The following SLC22A6 variants were observed in gnomAD, a reference collection of about 807,000 sequenced individuals.
SLC22A6 encodes the protein PAH transporter.
Under a neutral mutation model 56.7 loss-of-function variants are expected in SLC22A6, and 45 were observed. The observed-to-expected ratio is 0.79, with a 90% CI of 0.63 to 1.02. SLC22A6 has a LOEUF of 1.02. Among genes scored for constraint, SLC22A6 ranks in the 50% least tolerant of loss-of-function variants. The probability of loss-of-function intolerance (pLI) is 0.00; values close to 1 mark genes in which losing one functional copy is unlikely to be tolerated. For synonymous variants in SLC22A6, 291 were observed against 295.9 expected (o/e 0.98, Z 0.17); for missense variants, 606 against 713.8 (o/e 0.85, Z 1.72).
chr11:62,979,598 T>C lies in SLC22A6; in HGVS notation c.1253-2A>G, dbSNP rs750139896. The C allele has an allele frequency of 6.2e-7, 1 of 1,612,896 alleles. No individual in the cohort carries two copies. Among genetic ancestry groups the C allele is most frequent in the Admixed American group, 1.7e-5 (1 of 60,020 alleles). On this transcript the variant is annotated splice_acceptor_variant, in intron 7 of 9. Transcript: ENST00000360421. LOFTEE classifies it high-confidence loss of function. ...GAGAGGTTCGGACAATGGACTGGTC[T>C]AGAGAGAAAGAAGGGGGGATAGCAG...
chr11:62,979,751 T>C lies in SLC22A6; in HGVS notation c.1235A>G (p.Asn412Ser). 1.9e-6 allele frequency: 3 copies of C among 1,614,108 alleles called. No individual in the cohort carries two copies. The highest frequency in any genetic ancestry group is 2.5e-6 in the Non-Finnish European group (3 of 1,179,992). Reference protein sequence around the residue: ...LLLAGICILLNGVIPQDQSIV... With the variant: ...LLLAGICILLSGVIPQDQSIV... ...GTGCTCACCCTGGGGTATCACCCCATTGAGCAGGATGCAGATGCCTGCCAG... is the reference window on the plus strand; with the variant it reads ...GTGCTCACCCTGGGGTATCACCCCACTGAGCAGGATGCAGATGCCTGCCAG... Residue 412 changes from asparagine (N) to serine (S), a missense_variant, in exon 7 of 10, where the codon AAT becomes AGT. Physicochemically the swap from Asn to Ser is conservative, Grantham distance 46 (BLOSUM62 1). Transcript: ENST00000360421.
At chr11:62,978,116 T>C (rs1274285438) in intron 8 of SLC22A6, among the ~76,000 whole-genome samples, 2 of 152,162 alleles carry the variant, frequency 1.3e-5, no homozygotes, top group Non-Finnish European at 2.9e-5. Flanking sequence ...AATTAATATT[T>C]GTGAAAAGTT....
In SLC22A6 at chr11:62,981,957, A is replaced by G. The variant is rs1480422915; in HGVS notation, c.682T>C (p.Tyr228His). 1 of 1,614,090 alleles carries G rather than the reference A, an allele frequency of 6.2e-7. No individual in the cohort carries two copies. The highest frequency in any genetic ancestry group is 8.5e-7 in the Non-Finnish European group (1 of 1,180,028). ...TRACVGTLIG[Y>H]VYSLGQFLLA... ...AGGAACTGGCCCAGGCTGTAGACAT[A>G]GCCAATCAAGGTGCCCACGCAGGCC... is the stretch of plus-strand genomic sequence containing the variant. Residue 228 changes from tyrosine to histidine, a missense_variant, in exon 4 of 10, where the codon TAT (tyrosine) becomes CAT (histidine). Tyr to His is a moderately conservative substitution (Grantham distance 83). Transcript: ENST00000360421.
chr11:62,978,072 G>A (rs1376577154), intron 8 of SLC22A6, among the ~76,000 whole-genome samples: 1 of 152,158 alleles, frequency 6.6e-6, no homozygotes, highest in African/African-American at 2.4e-5. Context: ...TAATGATAGT[G>A]CCTACCACAA....
intron 8 of SLC22A6, among the ~76,000 whole-genome samples, chr11:62,977,830 G>A (rs2086207613): frequency 6.6e-6 from 1 of 152,334 alleles, no homozygotes; most frequent in Non-Finnish European, 1.5e-5. Flanking sequence ...TGGAGGAATT[G>A]TGTTATAGTT....
intron 9 of SLC22A6, 36 bp downstream of exon 9, chr11:62,977,148 G>T (rs1442508989): frequency 6.2e-7 from 1 of 1,614,120 alleles, no homozygotes; most frequent in Non-Finnish European, 8.5e-7. Flanking sequence ...GTGTTACCTG[G>T]GATATATCCC....
intron 6 of SLC22A6, 64 bp from the exon 7 acceptor site, chr11:62,980,012 A>G: frequency 8.5e-7 from 1 of 1,173,598 alleles, no homozygotes; most frequent in Non-Finnish European, 1.3e-6. Flanking sequence ...TGCTCTTTCA[A>G]AACAGTGGGG....
Position 62,983,056 on chromosome 11 carries a change from T to C in SLC22A6, c.628+481A>G, listed in dbSNP as rs2086272661. Among the ~76,000 whole-genome samples the C allele has an allele frequency of 6.6e-6, 1 of 152,144 alleles. No individual in the cohort carries two copies. Among genetic ancestry groups the C allele is most frequent in the East Asian group, 1.9e-4 (1 of 5,170 alleles). On this transcript the variant is annotated intron_variant, in intron 3 of 9. Coordinates refer to ENST00000360421, the MANE Select transcript of SLC22A6 (RefSeq NM_153276.3). This position sits in a 1 kb window ranked among gnomAD's most constrained non-coding sequence, Gnocchi z 4.5. Reference sequence around the variant, plus strand: ...GGAGTTTGCAATCCTGCTTTTTTTTTTTTTTTGAGACAGAGTCTCGCTCTA... The same window carrying C: ...GGAGTTTGCAATCCTGCTTTTTTTTCTTTTTTGAGACAGAGTCTCGCTCTA...
intron 3 of SLC22A6, among the ~76,000 whole-genome samples, chr11:62,982,379 G>C (rs1472691942): frequency 6.6e-6 from 1 of 152,218 alleles, no homozygotes; most frequent in Non-Finnish European, 1.5e-5. Flanking sequence ...TCAGTGGCCA[G>C]AGCATCTTGG....
chr11:62,979,075 T>A (rs145308341), intron 8 of SLC22A6, among the ~76,000 whole-genome samples: 41 of 152,356 alleles, frequency 2.7e-4, no homozygotes, highest in African/African-American at 9.4e-4. Flanking sequence ...CAGGAGTGAA[T>A]CTTGAGATAG....
rs141733197 is a variant in SLC22A6 at position 62,981,323 on chromosome 11, C to A, written c.858G>T (p.Arg286Ser). The change falls in exon 5 of 10, where the codon AGG becomes AGT. Residue 286 changes from arginine to serine, a missense_variant. Transcript: ENST00000360421. ...SSSGRLDLTL[R>S]ALQRVARING... ...TGATCCGGGCGACTCTCTGCAGGGCCCTCAGGGTGAGGTCCAGCCTCCCGG... is the reference window on the plus strand; with the variant it reads ...TGATCCGGGCGACTCTCTGCAGGGCACTCAGGGTGAGGTCCAGCCTCCCGG... 5.1e-5 allele frequency: 81 copies of A among 1,603,474 alleles called. No individual in the cohort carries two copies. The highest frequency in any genetic ancestry group is 6.6e-5 in the Non-Finnish European group (78 of 1,175,288).
At chr11:62,981,431 C>G in intron 4 of SLC22A6, 48 bp from the exon 5 acceptor site, 3 of 940,490 alleles carry the variant, frequency 3.2e-6, no homozygotes, top group Non-Finnish European at 1.4e-6. Context: ...CAGTTCCAGT[C>G]AGCTGGGTGG....
chr11:62,981,649 G>T (rs72480411), intron 4 of SLC22A6, among the ~76,000 whole-genome samples, 193 bp downstream of exon 4: 136 of 152,226 alleles, frequency 8.9e-4, no homozygotes, highest in Middle Eastern at 3.4e-3. Flanking sequence ...GGAAGCCAGA[G>T]AATTGGATAT....
Position 62,983,965 on chromosome 11 carries a change from A to G in SLC22A6, c.452T>C (p.Val151Ala). 1 of 1,613,522 alleles carries G rather than the reference A, an allele frequency of 6.2e-7. No individual in the cohort carries two copies. Among genetic ancestry groups the G allele is most frequent in the African/African-American group, 1.3e-5 (1 of 74,952 alleles). ...TGACCTGTCTGCAAGGTAGCCGAAC[A>G]CCATGGCTCCGAGCAGCACCCCCAC... ...YMVGVLLGAM[V>A]FGYLADRLGR... Residue 151 changes from valine to alanine, a missense_variant, in exon 2 of 10, where the codon GTG becomes GCG. Val to Ala is a moderately conservative substitution (Grantham distance 64). Transcript: ENST00000360421. This position sits in a 1 kb window ranked among gnomAD's most constrained non-coding sequence, Gnocchi z 4.5.
rs761610586 is a variant in SLC22A6 at position 62,984,437 on chromosome 11, T to G, written c.254A>C (p.Gln85Pro). ...PESCLRFTSP[Q>P]WGLPFLNGTE... ...GCCATTGAGAAAGGGCAGTCCCCAC[T>G]GCGGGGAGGTGAAGCGGAGGCAGGA... is the stretch of plus-strand genomic sequence containing the variant. Residue 85 changes from glutamine (Q) to proline (P), a missense_variant, in exon 1 of 10, where the codon CAG becomes CCG. Coordinates refer to ENST00000360421, the MANE Select transcript of SLC22A6 (RefSeq NM_153276.3). 12 of 1,613,892 alleles carry G rather than the reference T, an allele frequency of 7.4e-6. No individual in the cohort carries two copies. In the South Asian group the frequency reaches 7.7e-5, roughly 10 times the overall value.
At position 62,979,816 on chromosome 11, in the gene SLC22A6, G is replaced by A; in HGVS notation, c.1170C>T (p.Asn390=). ...TCTGGGCAGGCCGGCGACCCAGGGA[G>A]TTGATGACAAGGAAGCCCACAAGCT... ...PAKLVGFLVI[N]SLGRRPAQMA... The change falls in exon 7 of 10, where the codon AAC becomes AAT. Residue 390 remains asparagine (N), a synonymous_variant. Coordinates refer to ENST00000360421, the MANE Select transcript of SLC22A6 (RefSeq NM_153276.3). 1 of 1,614,222 alleles carries A rather than the reference G, an allele frequency of 6.2e-7. No homozygotes were observed. The highest frequency in any genetic ancestry group is 1.1e-5 in the South Asian group (1 of 91,082).
chr11:62,980,877 G>A, intron 6 of SLC22A6, 108 bp downstream of exon 6: 1 of 854,532 alleles, frequency 1.2e-6, no homozygotes, highest in Non-Finnish European at 1.8e-6. Context: ...GCTTCTCACA[G>A]CAGGTCTGCT....
chr11:62,979,970 T>G, intron 6 of SLC22A6, 22 bp from the exon 7 acceptor site: 1 of 1,580,086 alleles, frequency 6.3e-7, no homozygotes, highest in Non-Finnish European at 8.7e-7. Flanking sequence ...AAGAGAGGAG[T>G]ATGGAGTTTG....
chr11:62,984,060 G>A lies in SLC22A6; in HGVS notation c.370-13C>T, dbSNP rs979933541. On this transcript the variant is annotated splice_polypyrimidine_tract_variant and intron_variant, in intron 1 of 9. Coordinates refer to ENST00000360421, the MANE Select transcript of SLC22A6 (RefSeq NM_153276.3). ...ACACAAGGTCCCACTGTGGGGAGAG[G>A]AGCAAGGGTCAGGCAGAGATGAGCC... The A allele has an allele frequency of 6.3e-7, 1 of 1,581,142 alleles. No homozygotes were observed. The highest frequency in any genetic ancestry group is 8.7e-7 in the Non-Finnish European group (1 of 1,152,518).
Sources: gnomAD v4.1 joint callset for allele counts (sites outside exome capture counted in the v4.1 genomes callset) on GRCh38, gnomAD v4.1.1 for gene constraint, Gnocchi (gnomAD v3.1) non-coding constraint, MANE v1.5 for transcripts, NCBI Gene and HGNC (gene_info 2026-07-23, HGNC 2026-07-21) for gene names.